The following CARMIL1 variants were observed in gnomAD, a reference collection of about 807,000 sequenced individuals.
The protein encoded by CARMIL1 is capping protein regulator and myosin 1 linker 1, also known as F-actin-uncapping protein LRRC16A.
A neutral mutation model predicts 177.1 loss-of-function variants in CARMIL1; 90 were observed. The observed-to-expected ratio is 0.51, with a 90% confidence interval of 0.43 to 0.61. The LOEUF is 0.61. Ranked by LOEUF, CARMIL1 falls within the 20% of genes least tolerant of loss-of-function variation. The probability of loss-of-function intolerance (pLI) is 0.00; values close to 1 mark genes in which losing one functional copy is unlikely to be tolerated. For synonymous variants in CARMIL1, 577 were observed against 606.2 expected (o/e 0.95, Z 0.71); for missense variants, 1,380 against 1,667.0 (o/e 0.83, Z 3.00).
intron 28 of CARMIL1, among the ~76,000 whole-genome samples, chr6:25,555,232 G>A (rs1307600831): frequency 6.6e-6 from 1 of 152,088 alleles, no homozygotes; most frequent in East Asian, 1.9e-4. Flanking sequence ...ATTGGTTTGT[G>A]CTAAATTGGA....
chr6:25,460,362 G>A (rs1562169446), intron 8 of CARMIL1, among the ~76,000 whole-genome samples: 1 of 152,284 alleles, frequency 6.6e-6, no homozygotes, highest in East Asian at 1.9e-4. Context: ...CCTCATCAGA[G>A]TCTTGATTAT....
At chr6:25,533,391 A>G (rs1010371392) in intron 24 of CARMIL1, among the ~76,000 whole-genome samples, 51 of 152,098 alleles carry the variant, frequency 3.4e-4, no homozygotes, top group Admixed American at 2.4e-3. Context: ...TTAGTCACTT[A>G]CTCACCTCTT....
At chr6:25,606,493 C>T (rs1815989336) in intron 35 of CARMIL1, among the ~76,000 whole-genome samples, 1 of 152,150 alleles carries the variant, frequency 6.6e-6, no homozygotes, top group South Asian at 2.1e-4. Flanking sequence ...GAGTTGGGGA[C>T]TCTGAGACTG....
intron 5 of CARMIL1, among the ~76,000 whole-genome samples, chr6:25,448,541 T>G (rs1798458843): frequency 6.6e-6 from 1 of 152,158 alleles, no homozygotes; most frequent in Admixed American, 6.5e-5. Context: ...CAGAGATATA[T>G]TTTATACCAA....
chr6:25,473,324 C>T (rs1004260277), intron 11 of CARMIL1, among the ~76,000 whole-genome samples: 41 of 152,212 alleles, frequency 2.7e-4, no homozygotes, highest in African/African-American at 9.9e-4. Context: ...GGCACTGACC[C>T]CAAGCAACCA....
chr6:25,371,897 G>A (rs1790460697), intron 2 of CARMIL1, among the ~76,000 whole-genome samples: 1 of 152,140 alleles, frequency 6.6e-6, no homozygotes, highest in South Asian at 2.1e-4. Context: ...TTAGATGTAA[G>A]TCTTTGATCC....
At chr6:25,576,873 CTTTG>C (rs964811920) in intron 29 of CARMIL1, 3 of 499,616 alleles carry the variant, frequency 6.0e-6, no homozygotes, top group Non-Finnish European at 7.8e-6. Flanking sequence ...TTTTCTGTTT[CTTTG>C]TTTGTGAATG....
intron 21 of CARMIL1, 108 bp from the exon 22 acceptor site, chr6:25,517,239 A>G (rs777488252): frequency 1.1e-4 from 81 of 737,772 alleles, no homozygotes; most frequent in Middle Eastern, 2.4e-4. Flanking sequence ...CACATAATGC[A>G]GCTGTACTGA....
At chr6:25,574,561 GT>G (rs1409649970) in intron 29 of CARMIL1, among the ~76,000 whole-genome samples, 1 of 152,162 alleles carries the variant, frequency 6.6e-6, no homozygotes, top group Non-Finnish European at 1.5e-5. Context: ...GCTTCTCCCC[GT>G]TTCTCCTGAG....
At chr6:25,495,319 A>G in intron 16 of CARMIL1, 104 bp downstream of exon 16, 1 of 698,490 alleles carries the variant, frequency 1.4e-6, no homozygotes. Flanking sequence ...GACAAAAACC[A>G]CAGATGAGAA....
intron 8 of CARMIL1, among the ~76,000 whole-genome samples, chr6:25,454,690 G>A (rs1454680853): frequency 6.6e-6 from 1 of 152,102 alleles, no homozygotes; most frequent in Non-Finnish European, 1.5e-5. Context: ...ATTAGAGCCA[G>A]GTTATATATA....
chr6:25,514,781 G>A (rs995893227), intron 20 of CARMIL1, among the ~76,000 whole-genome samples: 13 of 152,012 alleles, frequency 8.6e-5, no homozygotes, highest in Middle Eastern at 6.8e-3. Flanking sequence ...AAAATGAGCC[G>A]AATGTGGTGG....
intron 3 of CARMIL1, among the ~76,000 whole-genome samples, chr6:25,422,460 C>T (rs1581887132): frequency 6.6e-6 from 1 of 151,984 alleles, no homozygotes; most frequent in South Asian, 2.1e-4. Flanking sequence ...ATATCTGTGG[C>T]CTTTCTTTTT....
intron 1 of CARMIL1, among the ~76,000 whole-genome samples, chr6:25,281,639 C>A (rs551600501): frequency 9.9e-5 from 15 of 152,076 alleles, no homozygotes; most frequent in African/African-American, 3.6e-4. Flanking sequence ...ATATTATGCC[C>A]GATATGATTT....
intron 2 of CARMIL1, among the ~76,000 whole-genome samples, chr6:25,370,531 C>G (rs1237429280): frequency 6.6e-6 from 1 of 152,176 alleles, no homozygotes; most frequent in Non-Finnish European, 1.5e-5. Context: ...CCATGATGTG[C>G]TTGCTCTTAA....
At chr6:25,518,680 G>T (rs1185236451) in intron 22 of CARMIL1, among the ~76,000 whole-genome samples, 1 of 152,222 alleles carries the variant, frequency 6.6e-6, no homozygotes, top group African/African-American at 2.4e-5. Flanking sequence ...TAGACTGCCA[G>T]TGCAGGCTGG....
intron 2 of CARMIL1, among the ~76,000 whole-genome samples, chr6:25,325,681 T>C (rs1785022904): frequency 6.6e-6 from 1 of 152,236 alleles, no homozygotes; most frequent in Admixed American, 6.5e-5. Flanking sequence ...ATTCAGCATG[T>C]AGCGTGTAGC....
At chr6:25,376,842 A>G (rs1791035634) in intron 2 of CARMIL1, among the ~76,000 whole-genome samples, 1 of 152,210 alleles carries the variant, frequency 6.6e-6, no homozygotes, top group African/African-American at 2.4e-5. Context: ...CAGAGGTCCC[A>G]GCCTTGATAG....
At chr6:25,532,118 A>T (rs1242649034) in intron 24 of CARMIL1, among the ~76,000 whole-genome samples, 1 of 145,412 alleles carries the variant, frequency 6.9e-6, no homozygotes. Context: ...CTTTTTTTTG[A>T]GACAGAGTTT....
Sources: allele counts gnomAD v4.1 joint callset (sites outside exome capture counted in the v4.1 genomes callset), GRCh38; gene constraint gnomAD v4.1.1; transcripts MANE v1.5; gene names NCBI Gene and HGNC (gene_info 2026-07-23, HGNC 2026-07-21).